Variants in IFIH1 observed in about 807,000 individuals in gnomAD.
IFIH1 encodes the protein interferon-induced helicase C domain-containing protein 1.
In IFIH1, 125 loss-of-function variants were observed where a neutral mutation model predicts 107.4. That is an observed-to-expected ratio of 1.16 (90% CI 1.01 to 1.35). IFIH1 has a LOEUF of 1.35. Ranked by LOEUF, IFIH1 falls within the 40% of genes most tolerant of loss-of-function variation. The pLI, the probability that IFIH1 is intolerant of heterozygous loss-of-function variation, is 0.00. For missense variants in IFIH1, 1,333 were observed against 1,213.7 expected (o/e 1.10, Z -1.46); for synonymous variants, 458 against 413.2 (o/e 1.11, Z -1.31).
chr2:162,272,295 GA>G lies in IFIH1; in HGVS notation c.2546del (p.Phe849SerfsTer5), dbSNP rs750043592. 6.2e-7 allele frequency: 1 copy of G among 1,612,886 alleles called. No individual in the cohort carries two copies. The highest frequency in any genetic ancestry group is 8.5e-7 in the Non-Finnish European group (1 of 1,179,310). ...TAGCTTTATACATCATCTTCTCTCG[GA>G]AATCATTAACTGTCTCATGTTCGAT... ...GVIEHETVNDFREKMMYKAIH... is the reference protein window; with the variant it reads ...GVIEHETVNDXREKMMYKAIH... On this transcript the variant is annotated frameshift_variant, in exon 13 of 16. Coordinates refer to ENST00000649979, the MANE Select transcript of IFIH1 (RefSeq NM_022168.4). LOFTEE classifies it high-confidence loss of function.
intron 5 of IFIH1, among the ~76,000 whole-genome samples, chr2:162,286,881 T>G (rs565260410): frequency 6.6e-6 from 1 of 152,022 alleles, no homozygotes; most frequent in Admixed American, 6.6e-5. Flanking sequence ...CAATTGAAAT[T>G]TCAGAGCAGG....
chr2:162,309,858 C>T (rs554632459), intron 2 of IFIH1, among the ~76,000 whole-genome samples: 3 of 152,330 alleles, frequency 2.0e-5, no homozygotes, highest in Non-Finnish European at 2.9e-5. Flanking sequence ...GAAATTTTCT[C>T]AGCCAAATAT....
chr2:162,304,487 C>A (rs950232969), intron 3 of IFIH1, among the ~76,000 whole-genome samples: 2 of 151,532 alleles, frequency 1.3e-5, no homozygotes, highest in Non-Finnish European at 2.9e-5. Flanking sequence ...CCCCAGAACC[C>A]CCAAAAAAAG....
At position 162,273,916 on chromosome 2, in the gene IFIH1, A is replaced by T. The variant is rs1691096603; in HGVS notation, c.2333T>A (p.Phe778Tyr). ...AAGCAGATTTATTTTTCCAGTGCGA[A>T]ATTTACTAATGACTTCTTTTTGTTC... ...QNEQKEVISK[F>Y]RTGKINLLIA... Residue 778 changes from phenylalanine (F) to tyrosine (Y), a missense_variant, in exon 12 of 16, where the codon TTT becomes TAT. Transcript: ENST00000649979. The T allele has an allele frequency of 6.2e-7, 1 of 1,607,634 alleles. No homozygotes were observed. Among genetic ancestry groups the T allele is most frequent in the East Asian group, 2.2e-5 (1 of 44,796 alleles).
intron 7 of IFIH1, among the ~76,000 whole-genome samples, chr2:162,280,704 T>A (rs895127004): frequency 6.6e-6 from 1 of 152,080 alleles, no homozygotes; most frequent in African/African-American, 2.4e-5. Context: ...CTACTCTACA[T>A]AATTTGTATT....
Position 162,268,183 on chromosome 2 carries a change from G to GT in IFIH1, c.2710dup (p.Thr904AsnfsTer21). The GT allele has an allele frequency of 6.2e-7, 1 of 1,613,034 alleles. No homozygotes were observed. Among genetic ancestry groups the GT allele is most frequent in the Non-Finnish European group, 8.5e-7 (1 of 1,179,086 alleles). On this transcript the variant is annotated frameshift_variant, in exon 14 of 16. Coordinates refer to ENST00000649979, the MANE Select transcript of IFIH1 (RefSeq NM_022168.4). LOFTEE classifies it high-confidence loss of function. ...CACACTGCAGTTTTTGCAAAGGAAAGTTATTAGTGATGGGTTATTCTTGTA... is the reference window on the plus strand; with the variant it reads ...CACACTGCAGTTTTTGCAAAGGAAAGTTTATTAGTGATGGGTTATTCTTGTA...
intron 3 of IFIH1, among the ~76,000 whole-genome samples, chr2:162,298,395 G>T (rs1366403389): frequency 6.6e-6 from 1 of 152,194 alleles, no homozygotes; most frequent in African/African-American, 2.4e-5. Context: ...TGTGCATATT[G>T]AGAAAGAACA....
rs773526836 is a variant in IFIH1, at chr2:162,267,361, C to T, written c.2917G>A (p.Val973Met). The T allele has an allele frequency of 2.6e-5, 42 of 1,613,696 alleles. No individual in the cohort carries two copies. The Admixed American group carries it at 5.7e-4, about 22-fold the overall frequency. ...CAAGGCAAATCTAAGCCTTTGTGCA[C>T]CATCATTGTTCCCCAAGCCTGGAAA... Reference protein sequence around the residue: ...KCGQAWGTMMVHKGLDLPCLK... With the variant: ...KCGQAWGTMMMHKGLDLPCLK... Residue 973 changes from valine (V) to methionine (M), a missense_variant, in exon 16 of 16, where the codon GTG becomes ATG. Physicochemically the swap from Val to Met is conservative, Grantham distance 21. Transcript: ENST00000649979.
Position 162,272,547 on chromosome 2 carries a change from C to A in IFIH1, c.2455-160G>T, listed in dbSNP as rs542852700. On this transcript the variant is annotated intron_variant, in intron 12 of 15. Coordinates refer to ENST00000649979, the MANE Select transcript of IFIH1 (RefSeq NM_022168.4). ...AAAGTTAGTAAAGTTAGTTATTAAT[C>A]CATTACTTGTAAGTCAGCTCTTTGA... Among the ~76,000 whole-genome samples the A allele has an allele frequency of 4.6e-5, 7 of 152,250 alleles. No individual in the cohort carries two copies. In the East Asian group the frequency reaches 1.2e-3, roughly 25 times the overall value.
At chr2:162,283,054 A>G (rs1682837895) in intron 5 of IFIH1, among the ~76,000 whole-genome samples, 1 of 151,844 alleles carries the variant, frequency 6.6e-6, no homozygotes, top group African/African-American at 2.4e-5. Flanking sequence ...AAATTTGTAG[A>G]GCAGTGCCAG....
At chr2:162,291,765 A>C (rs1683000764) in intron 4 of IFIH1, among the ~76,000 whole-genome samples, 1 of 151,810 alleles carries the variant, frequency 6.6e-6, no homozygotes. Context: ...TCACCAATTT[A>C]TCTAAACCTC....
At chr2:162,277,007 C>G in intron 10 of IFIH1, 61 bp from the exon 11 acceptor site, 1 of 1,212,306 alleles carries the variant, frequency 8.2e-7, no homozygotes, top group Non-Finnish European at 1.2e-6. Flanking sequence ...CCACAATGTA[C>G]AGATATATCA....
At chr2:162,302,504 C>T (rs974696733) in intron 3 of IFIH1, among the ~76,000 whole-genome samples, 10 of 152,052 alleles carry the variant, frequency 6.6e-5, no homozygotes, top group Non-Finnish European at 1.0e-4. Flanking sequence ...TTATCAATAT[C>T]AAGAAGATAC....
intron 13 of IFIH1, among the ~76,000 whole-genome samples, chr2:162,269,167 T>A (rs1349584018): frequency 6.6e-6 from 1 of 152,242 alleles, no homozygotes; most frequent in Non-Finnish European, 1.5e-5. Context: ...ATATGCTAGC[T>A]AAATGACTAC....
chr2:162,281,689 G>C (rs1327864801), intron 6 of IFIH1, 144 bp from the exon 7 acceptor site: 2 of 598,876 alleles, frequency 3.3e-6, no homozygotes, highest in East Asian at 5.6e-5. Context: ...TTTTAGGAGG[G>C]AAATCTAACT....
intron 5 of IFIH1, among the ~76,000 whole-genome samples, chr2:162,286,113 G>A (rs1443052379): frequency 2.0e-5 from 3 of 151,914 alleles, no homozygotes; most frequent in African/African-American, 7.2e-5. Context: ...AATGTCTGAA[G>A]GAGTATGAGC....
intron 9 of IFIH1, 131 bp from the exon 10 acceptor site, chr2:162,277,824 C>G (rs1168872888): frequency 9.1e-7 from 1 of 1,098,512 alleles, no homozygotes; most frequent in Non-Finnish European, 1.3e-6. Flanking sequence ...CAAGTTAAGG[C>G]TCAAAATGTG....
intron 3 of IFIH1, among the ~76,000 whole-genome samples, chr2:162,298,593 G>A (rs568315801): frequency 2.6e-5 from 4 of 152,198 alleles, no homozygotes; most frequent in South Asian, 2.1e-4. Context: ...AAGCTACCCC[G>A]AAAGCTTGAA....
rs1303025990 is a variant in IFIH1 at position 162,278,333 on chromosome 2, A to C, written c.1642-5T>G. ...AAGTTTCTCTTTAAATGGATCCTAA[A>C]AATAAAGTACACACTTATTCTTATG... is the stretch of plus-strand genomic sequence containing the variant. On this transcript the variant is annotated splice_polypyrimidine_tract_variant and splice_region_variant and intron_variant, in intron 8 of 15. Coordinates refer to ENST00000649979, the MANE Select transcript of IFIH1 (RefSeq NM_022168.4). 3 of 1,283,846 alleles carry C rather than the reference A, an allele frequency of 2.3e-6. No individual in the cohort carries two copies. The highest frequency in any genetic ancestry group is 3.3e-6 in the Non-Finnish European group (3 of 900,550). 79.5% of individuals were successfully genotyped at this position (1,283,846 alleles called of 1,614,324 possible). A position where few individuals can be genotyped will look rare whatever the true frequency, so the allele number is the denominator to read the frequency against.
Sources: allele counts gnomAD v4.1 joint callset (sites outside exome capture counted in the v4.1 genomes callset), GRCh38; gene constraint gnomAD v4.1.1; transcripts MANE v1.5; gene names NCBI Gene and HGNC (gene_info 2026-07-23, HGNC 2026-07-21).